The following PCCA variants were observed in gnomAD, a reference collection of about 807,000 sequenced individuals.
PCCA encodes propionyl-CoA carboxylase subunit alpha.
In PCCA, 74 loss-of-function variants were observed where a neutral mutation model predicts 101.3. The ratio of observed to expected loss-of-function variants is 0.73; its 90% CI spans 0.61 to 0.89. The LOEUF (loss-of-function observed/expected upper bound fraction) is 0.89. Among genes scored for constraint, PCCA ranks in the 40% least tolerant of loss-of-function variants. PCCA has a pLI of 0.00. For synonymous variants in PCCA, 294 were observed against 313.6 expected (o/e 0.94, Z 0.66); for missense variants, 891 against 907.0 (o/e 0.98, Z 0.23).
chr13:100,123,544 A>T (rs959372450), intron 4 of PCCA, among the ~76,000 whole-genome samples: 3 of 152,192 alleles, frequency 2.0e-5, no homozygotes, highest in African/African-American at 7.2e-5. Flanking sequence ...GACTTACATG[A>T]GGACTTCTTA....
At chr13:100,477,671 A>G (rs1324898012) in intron 21 of PCCA, among the ~76,000 whole-genome samples, 3 of 152,190 alleles carry the variant, frequency 2.0e-5, no homozygotes, top group Admixed American at 2.0e-4. Flanking sequence ...CTTGTTGAAT[A>G]GCAAGTTTGG....
intron 21 of PCCA, among the ~76,000 whole-genome samples, chr13:100,474,113 C>A (rs1186998480): frequency 1.3e-5 from 2 of 152,128 alleles, no homozygotes; most frequent in East Asian, 3.8e-4. Flanking sequence ...TATTTGTTTT[C>A]TTTCTGGTAC....
chr13:100,204,513 A>G (rs1298403996), intron 6 of PCCA, among the ~76,000 whole-genome samples: 1 of 152,204 alleles, frequency 6.6e-6, no homozygotes, highest in African/African-American at 2.4e-5. Flanking sequence ...CCTAAAATCT[A>G]TACGCTTTAA....
Position 100,527,751 on chromosome 13 carries a change from C to T in PCCA, c.2117C>T (p.Thr706Met), listed in dbSNP as rs148214257. 16 of 1,607,876 alleles carry T rather than the reference C, an allele frequency of 1.0e-5. No homozygotes were observed. The highest frequency in any genetic ancestry group is 1.3e-5 in the Non-Finnish European group (15 of 1,174,788). ...AGTATGACAGCTGGGAAAACTGGCA[C>T]GGTGAGTCCCTAAGTCCCCATCAGC... ...QNSMTAGKTGTVKSVHCQAGD... is the reference protein window; with the variant it reads ...QNSMTAGKTGMVKSVHCQAGD... Residue 706 changes from threonine (T) to methionine (M), a missense_variant and splice_region_variant, in exon 23 of 24, where the codon ACG becomes ATG. Transcript: ENST00000376285.
chr13:100,334,197 C>T (rs2070071114), intron 17 of PCCA, among the ~76,000 whole-genome samples: 1 of 152,190 alleles, frequency 6.6e-6, no homozygotes, highest in Admixed American at 6.5e-5. Flanking sequence ...GAATACCTCT[C>T]CGGGGACTCT....
intron 7 of PCCA, among the ~76,000 whole-genome samples, chr13:100,220,267 TG>T (rs1292090992): frequency 6.6e-6 from 1 of 152,078 alleles, no homozygotes; most frequent in African/African-American, 2.4e-5. Flanking sequence ...TTTTTGTTTT[TG>T]TTTTTTTTGA....
At chr13:100,353,509 A>G (rs760694632) in intron 18 of PCCA, among the ~76,000 whole-genome samples, 4 of 152,230 alleles carry the variant, frequency 2.6e-5, no homozygotes, top group African/African-American at 4.8e-5. Context: ...GAATTAAGCA[A>G]TGTACTACCA....
At chr13:100,447,470 G>A (rs898834429) in intron 20 of PCCA, among the ~76,000 whole-genome samples, 4 of 151,864 alleles carry the variant, frequency 2.6e-5, no homozygotes, top group South Asian at 2.1e-4. Flanking sequence ...CCAGGAGTTC[G>A]AGACCAGCCT....
chr13:100,407,869 G>C (rs1227344420), intron 19 of PCCA, among the ~76,000 whole-genome samples: 1 of 152,110 alleles, frequency 6.6e-6, no homozygotes, highest in Non-Finnish European at 1.5e-5. Context: ...TAAAACTTGG[G>C]GCTGGGCATG....
At chr13:100,377,864 T>A (rs2076014947) in intron 19 of PCCA, among the ~76,000 whole-genome samples, 1 of 151,924 alleles carries the variant, frequency 6.6e-6, no homozygotes, top group Non-Finnish European at 1.5e-5. Flanking sequence ...ATATGAGGTT[T>A]TGTTCCTGTC....
chr13:100,272,808 C>T (rs2063383937), intron 11 of PCCA, among the ~76,000 whole-genome samples: 1 of 152,114 alleles, frequency 6.6e-6, no homozygotes, highest in Admixed American at 6.5e-5. Context: ...ATATGGACTA[C>T]ATGAGCAATG....
intron 18 of PCCA, among the ~76,000 whole-genome samples, chr13:100,352,454 G>A (rs898704515): frequency 1.3e-5 from 2 of 148,796 alleles, no homozygotes; most frequent in Admixed American, 6.7e-5. Context: ...CTGGAGTGCA[G>A]TGGCATCACA....
intron 19 of PCCA, among the ~76,000 whole-genome samples, chr13:100,396,941 C>G (rs1158029500): frequency 1.3e-5 from 2 of 152,098 alleles, no homozygotes; most frequent in East Asian, 1.9e-4. Context: ...CCATATAAAC[C>G]TGCAGTTTCC....
intron 19 of PCCA, among the ~76,000 whole-genome samples, chr13:100,396,019 C>T (rs750427108): frequency 6.6e-6 from 1 of 152,258 alleles, no homozygotes; most frequent in Middle Eastern, 3.4e-3. Context: ...CAGCATTTAC[C>T]CACAAGGTTT....
intron 21 of PCCA, chr13:100,489,985 C>G (rs1312830465): frequency 1.3e-5 from 2 of 152,232 alleles, no homozygotes; most frequent in Non-Finnish European, 2.9e-5. Flanking sequence ...TCAACAAAAT[C>G]AGTAAGTGTT....
chr13:100,124,142 A>G (rs1429551039), intron 4 of PCCA, among the ~76,000 whole-genome samples: 6 of 152,154 alleles, frequency 3.9e-5, no homozygotes, highest in Non-Finnish European at 7.3e-5. Context: ...AAACTGCTAA[A>G]ATAAGTTTTG....
chr13:100,223,824 G>C (rs2059966001), intron 7 of PCCA, among the ~76,000 whole-genome samples: 1 of 152,172 alleles, frequency 6.6e-6, no homozygotes, highest in Non-Finnish European at 1.5e-5. Context: ...TCAACACAAA[G>C]GTTCTCCAAG....
chr13:100,325,099 A>G (rs1490137974), intron 16 of PCCA, among the ~76,000 whole-genome samples: 1 of 152,202 alleles, frequency 6.6e-6, no homozygotes, highest in Non-Finnish European at 1.5e-5. Context: ...TGTAAGGACC[A>G]TTGTAAAAAA....
At chr13:100,347,597 A>G (rs2072478052) in intron 18 of PCCA, among the ~76,000 whole-genome samples, 1 of 152,196 alleles carries the variant, frequency 6.6e-6, no homozygotes. Flanking sequence ...ATTGCTTTAT[A>G]AAGTGGAGGT....
Sources: gnomAD v4.1 joint callset for allele counts (sites outside exome capture counted in the v4.1 genomes callset) on GRCh38, gnomAD v4.1.1 for gene constraint, MANE v1.5 for transcripts, NCBI Gene and HGNC (gene_info 2026-07-23, HGNC 2026-07-21) for gene names.